Variants in MAGI2 observed in about 807,000 individuals in gnomAD.
MAGI2 encodes membrane-associated guanylate kinase, WW and PDZ domain-containing protein 2.
In MAGI2, 35 loss-of-function variants were observed where a neutral mutation model predicts 133.3. The observed-to-expected ratio is 0.26, with a 90% confidence interval of 0.20 to 0.35. The LOEUF is 0.35. Ranked by LOEUF, MAGI2 falls within the 10% of genes least tolerant of loss-of-function variation. The pLI is 1.00. For synonymous variants in MAGI2, 729 were observed against 710.6 expected (o/e 1.03, Z -0.41); for missense variants, 1,636 against 1,863.4 (o/e 0.88, Z 2.25).
At chr7:79,377,336 A>G (rs1843448329) in intron 1 of MAGI2, among the ~76,000 whole-genome samples, 1 of 151,766 alleles carries the variant, frequency 6.6e-6, no homozygotes, top group African/African-American at 2.4e-5. Flanking sequence ...TCCAGCTCAA[A>G]CTACACGGTA....
chr7:78,145,452 TC>T (rs1281357020), intron 16 of MAGI2, among the ~76,000 whole-genome samples: 1 of 152,178 alleles, frequency 6.6e-6, no homozygotes, highest in African/African-American at 2.4e-5. Context: ...TTTGATAATT[TC>T]CATTCTGTTT....
At chr7:78,677,205 G>A (rs964328778) in intron 2 of MAGI2, among the ~76,000 whole-genome samples, 1 of 151,856 alleles carries the variant, frequency 6.6e-6, no homozygotes, top group Non-Finnish European at 1.5e-5. Context: ...CAGTCATACT[G>A]CTTTGCTATA....
At chr7:78,202,192 T>C (rs976608684) in intron 10 of MAGI2, among the ~76,000 whole-genome samples, 1 of 151,594 alleles carries the variant, frequency 6.6e-6, no homozygotes, top group Admixed American at 6.6e-5. Context: ...CCACATACTA[T>C]GTTTATCATC....
intron 2 of MAGI2, among the ~76,000 whole-genome samples, chr7:78,717,724 T>C (rs1819858316): frequency 1.3e-5 from 2 of 152,194 alleles, no homozygotes; most frequent in South Asian, 4.1e-4. Context: ...CTTTGAAGTA[T>C]TATTATTTTC....
intron 2 of MAGI2, 98 bp downstream of exon 2, chr7:79,006,991 TA>T (rs1224323661): frequency 3.4e-6 from 3 of 890,706 alleles, no homozygotes; most frequent in South Asian, 2.3e-5. Flanking sequence ...AAGCCCACTA[TA>T]AAAAATAAGT....
chr7:78,960,818 T>C (rs1802770691), intron 2 of MAGI2, among the ~76,000 whole-genome samples: 1 of 152,110 alleles, frequency 6.6e-6, no homozygotes, highest in African/African-American at 2.4e-5. Context: ...CTCTGATTGG[T>C]TAAGGAATCT....
At chr7:78,360,151 T>C (rs948327394) in intron 7 of MAGI2, among the ~76,000 whole-genome samples, 2 of 152,218 alleles carry the variant, frequency 1.3e-5, no homozygotes, top group East Asian at 1.9e-4. Context: ...TCAGTCTGCA[T>C]TGGTTTGACT....
chr7:78,337,478 G>A (rs1227649341), intron 9 of MAGI2, among the ~76,000 whole-genome samples: 2 of 152,192 alleles, frequency 1.3e-5, no homozygotes, highest in East Asian at 3.9e-4. Context: ...AAACTTTTTG[G>A]TACAGAGGAT....
chr7:78,477,014 G>T (rs1398625595), intron 6 of MAGI2, among the ~76,000 whole-genome samples: 1 of 151,892 alleles, frequency 6.6e-6, no homozygotes, highest in African/African-American at 2.4e-5. Context: ...TTCAGCAACT[G>T]AAATTAAACC....
intron 3 of MAGI2, among the ~76,000 whole-genome samples, chr7:78,557,855 AACATGT>A (rs1160390617): frequency 2.0e-5 from 3 of 152,188 alleles, no homozygotes; most frequent in African/African-American, 4.8e-5. Flanking sequence ...AATACAATTG[AACATGT>A]ACATGTAAGA....
chr7:78,227,035 A>G (rs1050255033), intron 10 of MAGI2, among the ~76,000 whole-genome samples: 1 of 152,196 alleles, frequency 6.6e-6, no homozygotes, highest in African/African-American at 2.4e-5. Flanking sequence ...GACTTAAAAG[A>G]GCTTTAAGAA....
chr7:78,326,162 A>G (rs918905724), intron 9 of MAGI2, among the ~76,000 whole-genome samples: 4 of 152,190 alleles, frequency 2.6e-5, no homozygotes, highest in Admixed American at 6.5e-5. Context: ...ATAAGAAGAG[A>G]TTGTACCTGA....
At chr7:78,113,849 C>A (rs1819599123) in intron 20 of MAGI2, among the ~76,000 whole-genome samples, 1 of 152,150 alleles carries the variant, frequency 6.6e-6, no homozygotes, top group African/African-American at 2.4e-5. Flanking sequence ...AAATATTGAA[C>A]TAGGCACTTT....
chr7:79,168,889 GATAT>G (rs1182056135), intron 1 of MAGI2, among the ~76,000 whole-genome samples: 284 of 14,466 alleles, frequency 0.02, no homozygotes, highest in South Asian at 0.062. Context: ...TCTAAAGATA[GATAT>G]ATATATATAT....
chr7:78,439,045 G>GC (rs1787338091), intron 6 of MAGI2, among the ~76,000 whole-genome samples: 1 of 152,166 alleles, frequency 6.6e-6, no homozygotes, highest in Admixed American at 6.6e-5. Context: ...GTAGCTGGAA[G>GC]CCCATACTGC....
At chr7:79,446,771 A>T (rs1848880647) in intron 1 of MAGI2, among the ~76,000 whole-genome samples, 1 of 152,148 alleles carries the variant, frequency 6.6e-6, no homozygotes, top group Non-Finnish European at 1.5e-5. Context: ...TAACACGGTG[A>T]AACCCCATAT....
intron 20 of MAGI2, among the ~76,000 whole-genome samples, chr7:78,105,754 T>A (rs1818618056): frequency 6.6e-6 from 1 of 152,130 alleles, no homozygotes; most frequent in Non-Finnish European, 1.5e-5. Flanking sequence ...GTGCATATAT[T>A]TATGGGATAC....
intron 13 of MAGI2, among the ~76,000 whole-genome samples, chr7:78,178,581 A>T (rs1196988004): frequency 6.7e-6 from 1 of 149,570 alleles, no homozygotes; most frequent in Admixed American, 6.7e-5. Context: ...CCAGTTTAGG[A>T]GTGTGTGTGT....
intron 1 of MAGI2, among the ~76,000 whole-genome samples, chr7:79,283,693 G>A (rs565668290): frequency 2.6e-5 from 4 of 152,126 alleles, no homozygotes; most frequent in Admixed American, 2.6e-4. Context: ...CATAAAGAAA[G>A]GTTTTGACTT....
Sources: gnomAD v4.1 joint callset for allele counts (sites outside exome capture counted in the v4.1 genomes callset) on GRCh38, gnomAD v4.1.1 for gene constraint, MANE v1.5 for transcripts, NCBI Gene and HGNC (gene_info 2026-07-23, HGNC 2026-07-21) for gene names.